Variants in NCKAP5 observed in about 807,000 individuals in gnomAD.
NCKAP5 encodes nck-associated protein 5.
A neutral mutation model predicts 167.0 loss-of-function variants in NCKAP5; 92 were observed. The ratio of observed to expected loss-of-function variants is 0.55; its 90% CI spans 0.47 to 0.66. The LOEUF is 0.66. Among genes scored for constraint, NCKAP5 ranks in the 30% least tolerant of loss-of-function variants. NCKAP5 has a pLI of 0.00. For missense variants in NCKAP5, 2,378 were observed against 2,315.0 expected (o/e 1.03, Z -0.56); for synonymous variants, 891 against 877.4 (o/e 1.02, Z -0.27).
At chr2:132,679,363 G>A (rs996457452) in intron 19 of NCKAP5, among the ~76,000 whole-genome samples, 1 of 152,082 alleles carries the variant, frequency 6.6e-6, no homozygotes, top group African/African-American at 2.4e-5. Flanking sequence ...CATTCCCTGG[G>A]AGAAGTGAAT....
At chr2:133,129,213 T>C (rs1203209065) in intron 6 of NCKAP5, among the ~76,000 whole-genome samples, 3 of 151,950 alleles carry the variant, frequency 2.0e-5, no homozygotes, top group Non-Finnish European at 4.4e-5. Flanking sequence ...TCATTTAGCA[T>C]TAGGTATATC....
intron 13 of NCKAP5, among the ~76,000 whole-genome samples, chr2:132,789,201 A>C (rs745589265): frequency 5.3e-5 from 8 of 152,230 alleles, no homozygotes; most frequent in Non-Finnish European, 1.2e-4. Context: ...AAAAGAGCAG[A>C]GCGAGGGGCT....
the NCKAP5 span, among the ~76,000 whole-genome samples, chr2:133,576,812 G>T: frequency 1.3e-5 from 2 of 152,204 alleles, no homozygotes; most frequent in African/African-American, 2.4e-5. Context: ...TGGAAACCCA[G>T]TTCATCAATG....
chr2:133,517,563 A>T lies in NCKAP5; in HGVS notation c.-37T>A, dbSNP rs1381497852. 27 of 1,384,702 alleles carry T rather than the reference A, an allele frequency of 1.9e-5. No individual in the cohort carries two copies. The highest frequency in any genetic ancestry group is 3.6e-4 in the Middle Eastern group (2 of 5,500). 85.8% of individuals were successfully genotyped at this position (1,384,702 alleles called of 1,614,324 possible). The stretch of plus-strand genomic sequence containing the variant: ...TTTATTTTCTTTTGTGACTTATAAG[A>T]ATCCCCCGTCTGTTTCCAGGGTCAC... On this transcript the variant is annotated 5_prime_UTR_variant, in exon 3 of 20. Coordinates refer to ENST00000409261, the MANE Select transcript of NCKAP5 (RefSeq NM_207363.3).
intron 11 of NCKAP5, among the ~76,000 whole-genome samples, chr2:132,859,703 T>G (rs1033777456): frequency 2.0e-5 from 3 of 152,162 alleles, no homozygotes; most frequent in Non-Finnish European, 2.9e-5. Flanking sequence ...CTGTGAAACC[T>G]CGATGCAGTC....
chr2:133,513,003 T>C (rs922739620), intron 3 of NCKAP5, among the ~76,000 whole-genome samples: 5 of 152,116 alleles, frequency 3.3e-5, no homozygotes, highest in African/African-American at 1.2e-4. Context: ...ACAGCTTCCC[T>C]AGATAAACTA....
chr2:133,254,357 T>C (rs1159844087), intron 4 of NCKAP5, among the ~76,000 whole-genome samples: 3 of 152,022 alleles, frequency 2.0e-5, no homozygotes, highest in South Asian at 4.2e-4. Context: ...CAGCTTTCCA[T>C]GTCTGATGCT....
intron 8 of NCKAP5, among the ~76,000 whole-genome samples, chr2:132,916,364 G>A (rs189177106): frequency 4.9e-4 from 74 of 152,002 alleles, no homozygotes; most frequent in African/African-American, 1.7e-3. Context: ...TTGATCCTAG[G>A]CCACTGTTAC....
chr2:133,513,583 AT>A (rs1683687709), intron 3 of NCKAP5, among the ~76,000 whole-genome samples: 1 of 152,192 alleles, frequency 6.6e-6, no homozygotes, highest in Non-Finnish European at 1.5e-5. Flanking sequence ...TGATTGTGTT[AT>A]GAATGTTGTG....
At chr2:133,386,217 A>G (rs927231447) in intron 3 of NCKAP5, among the ~76,000 whole-genome samples, 5 of 152,310 alleles carry the variant, frequency 3.3e-5, no homozygotes, top group East Asian at 1.9e-4. Context: ...ACACTGCTTT[A>G]AATGTGTCCC....
chr2:133,551,936 A>C (rs1329044540), intron 2 of NCKAP5, among the ~76,000 whole-genome samples: 3 of 133,986 alleles, frequency 2.2e-5, no homozygotes, highest in African/African-American at 9.1e-5. Flanking sequence ...TGGGCGAAGG[A>C]CATGAACAGA....
chr2:133,196,364 G>A (rs1029305956), intron 5 of NCKAP5, among the ~76,000 whole-genome samples: 2 of 152,156 alleles, frequency 1.3e-5, no homozygotes, highest in African/African-American at 2.4e-5. Flanking sequence ...AGAGCTAAGA[G>A]AGAATTACCC....
rs114197361 is a variant in NCKAP5, at chr2:133,209,257, A to G, written c.207+4459T>C. On this transcript the variant is annotated intron_variant, in intron 5 of 19. Coordinates refer to ENST00000409261, the MANE Select transcript of NCKAP5 (RefSeq NM_207363.3). ...GCACAAGCTGAAACAACCTCCCAGA[A>G]TGAACAGAAATATAATCTCAGAGAG... Among the ~76,000 whole-genome samples, 1,431 of 151,884 alleles carry G rather than the reference A, an allele frequency of 9.4e-3. 24 individuals are homozygous for G. The highest frequency in any genetic ancestry group is 0.033 in the African/African-American group (1,369 of 41,368).
intron 3 of NCKAP5, among the ~76,000 whole-genome samples, chr2:133,321,794 C>A (rs1460438016): frequency 6.6e-6 from 1 of 152,164 alleles, no homozygotes; most frequent in Non-Finnish European, 1.5e-5. Context: ...TAGCCACATA[C>A]AATGCATTTA....
intron 5 of NCKAP5, among the ~76,000 whole-genome samples, chr2:133,176,493 C>T (rs572139452): frequency 2.0e-5 from 3 of 152,108 alleles, no homozygotes; most frequent in South Asian, 2.1e-4. Flanking sequence ...TTAAGGTTTA[C>T]GCTCACATAC....
intron 3 of NCKAP5, among the ~76,000 whole-genome samples, chr2:133,427,303 G>A (rs1166560271): frequency 1.3e-5 from 2 of 152,114 alleles, no homozygotes; most frequent in Admixed American, 6.6e-5. Context: ...TTGAAAATGG[G>A]TATTTTTTAA....
At chr2:133,292,624 T>C (rs1679678908) in intron 4 of NCKAP5, among the ~76,000 whole-genome samples, 1 of 152,242 alleles carries the variant, frequency 6.6e-6, no homozygotes, top group Non-Finnish European at 1.5e-5. Flanking sequence ...TAAATTTCTC[T>C]GGGTGACCCC....
At chr2:133,633,975 A>G in the NCKAP5 span, among the ~76,000 whole-genome samples, 3 of 152,164 alleles carry the variant, frequency 2.0e-5, no homozygotes, top group African/African-American at 7.2e-5. Flanking sequence ...CAAAGAATCG[A>G]GTTTAATCCT....
chr2:133,584,894 T>C, the NCKAP5 span, among the ~76,000 whole-genome samples: 10 of 146,834 alleles, frequency 6.8e-5, no homozygotes, highest in South Asian at 2.1e-3. Context: ...ATATTCAGGA[T>C]TTTTGCTAAG....
Sources: allele counts gnomAD v4.1 joint callset (sites outside exome capture counted in the v4.1 genomes callset), GRCh38; gene constraint gnomAD v4.1.1; transcripts MANE v1.5; gene names NCBI Gene and HGNC (gene_info 2026-07-23, HGNC 2026-07-21).